KCNK2: variants seen among roughly 807,000 people sequenced by gnomAD.
The protein encoded by KCNK2 is potassium channel subfamily K member 2.
In KCNK2, 21 loss-of-function variants were observed where a neutral mutation model predicts 40.5. That is an observed-to-expected ratio of 0.52 (90% confidence interval 0.37 to 0.75). The LOEUF is 0.75. KCNK2 is among the 30% of genes least tolerant of loss of function. The pLI, the probability that KCNK2 is intolerant of heterozygous loss-of-function variation, is 0.00. For synonymous variants in KCNK2, 191 were observed against 202.2 expected (o/e 0.94, Z 0.47); for missense variants, 399 against 531.6 (o/e 0.75, Z 2.45).
At chr1:215,080,231 C>T (rs183486069), upstream of KCNK2, among the ~76,000 whole-genome samples, 433 of 152,252 alleles carry the variant, frequency 2.8e-3, no homozygotes, top group Non-Finnish European at 5.3e-3. Context: ...TATTAATCTC[C>T]CAGTCTAGTA....
chr1:215,051,199 C>A (rs763748080), intron 1 of KCNK2, among the ~76,000 whole-genome samples: 15 of 152,126 alleles, frequency 9.9e-5, no homozygotes, highest in Non-Finnish European at 1.9e-4. Flanking sequence ...CTTCAGCCTC[C>A]TGAGTAGCTG....
At chr1:215,030,248 G>A (rs112844387) in intron 1 of KCNK2, among the ~76,000 whole-genome samples, 3,200 of 152,204 alleles carry the variant, frequency 0.021, 114 homozygotes, top group African/African-American at 0.073. Flanking sequence ...TTTTAATTGG[G>A]TTGTTTGTTT....
intron 2 of KCNK2, among the ~76,000 whole-genome samples, chr1:215,093,875 A>G (rs1343922014): frequency 1.9e-4 from 19 of 101,110 alleles, no homozygotes; most frequent in Admixed American, 1.2e-3. Context: ...AATATATTAT[A>G]TATTATATAT....
upstream of KCNK2, among the ~76,000 whole-genome samples, chr1:215,079,900 CAT>C (rs1468351068): frequency 1.3e-5 from 2 of 152,136 alleles, no homozygotes; most frequent in Non-Finnish European, 2.9e-5. Flanking sequence ...TGAGGCTGAG[CAT>C]TTGGCTTGTT....
intron 3 of KCNK2, among the ~76,000 whole-genome samples, chr1:215,164,691 C>T (rs917171752): frequency 2.0e-5 from 3 of 152,108 alleles, no homozygotes; most frequent in Non-Finnish European, 4.4e-5. Flanking sequence ...TGAGTAACTT[C>T]TACTCAGATT....
chr1:215,049,234 C>T (rs758797627), intron 1 of KCNK2, among the ~76,000 whole-genome samples: 2 of 152,222 alleles, frequency 1.3e-5, no homozygotes, highest in South Asian at 2.1e-4. Context: ...CTTTAATTTG[C>T]GTTTTCCTAA....
chr1:215,130,730 A>G (rs1267621122), intron 3 of KCNK2, among the ~76,000 whole-genome samples: 3 of 152,242 alleles, frequency 2.0e-5, no homozygotes, highest in Non-Finnish European at 4.4e-5. Flanking sequence ...CTAAGGAGGT[A>G]GCAGTGAGGA....
At chr1:215,153,984 C>T (rs1192593687) in intron 3 of KCNK2, among the ~76,000 whole-genome samples, 3 of 152,106 alleles carry the variant, frequency 2.0e-5, no homozygotes, top group Non-Finnish European at 4.4e-5. Flanking sequence ...TTTCTTTATC[C>T]AGTCTATCAT....
chr1:215,171,942 C>A, intron 4 of KCNK2, 55 bp from the exon 5 acceptor site: 1 of 1,031,520 alleles, frequency 9.7e-7, no homozygotes, highest in Non-Finnish European at 1.4e-6. Context: ...CTCTCTCTCT[C>A]CCCCCATTTA....
chr1:215,125,744 ATATATATATATATATATAT>A (rs1425190007), intron 3 of KCNK2, among the ~76,000 whole-genome samples: 14 of 5,304 alleles, frequency 2.6e-3, no homozygotes, highest in Non-Finnish European at 4.7e-3. Context: ...TAATAAATAT[ATATATATATATATATATAT>A]ATATATATAT....
intron 2 of KCNK2, among the ~76,000 whole-genome samples, chr1:215,099,596 G>A (rs983709241): frequency 5.9e-5 from 9 of 151,838 alleles, no homozygotes; most frequent in Admixed American, 2.0e-4. Flanking sequence ...TTGGTGATGC[G>A]GCAGTGAAGG....
chr1:215,007,181 GTGGGTATATATATATATA>G (rs1454656154), intron 1 of KCNK2, among the ~76,000 whole-genome samples: 2 of 64,438 alleles, frequency 3.1e-5, no homozygotes, highest in South Asian at 6.3e-4. Flanking sequence ...ATGTATGTGT[GTGGGTATATATATATATA>G]TATATATATA....
At chr1:215,180,676 GA>G (rs933687439) in intron 5 of KCNK2, among the ~76,000 whole-genome samples, 1 of 151,666 alleles carries the variant, frequency 6.6e-6, no homozygotes, top group Non-Finnish European at 1.5e-5. Flanking sequence ...TAAAAATACT[GA>G]AAAAAAACCC....
Position 215,162,941 on chromosome 1 carries a change from A to T in KCNK2, c.476-6258A>T, listed in dbSNP as rs529452830. Among the ~76,000 whole-genome samples the T allele has an allele frequency of 6.6e-5, 10 of 152,060 alleles. No homozygotes were observed. The South Asian group carries it at 2.1e-3, about 32-fold the overall frequency. ...TTTTTGGTTTCATATGAAATTTAAA[A>T]TAGTTTTTTCTAATTCTGTGAAGAA... On this transcript the variant is annotated intron_variant, in intron 3 of 6. Coordinates refer to ENST00000444842, the MANE Select transcript of KCNK2 (RefSeq NM_001017425.3).
In KCNK2 at chr1:215,183,733, G is replaced by A. The variant is rs145720071; in HGVS notation, c.824-11220G>A. 6.6e-3 allele frequency among the ~76,000 whole-genome samples: 1,007 copies of A among 152,276 alleles called. 7 individuals are homozygous for A. The highest frequency in any genetic ancestry group is 9.7e-3 in the Non-Finnish European group (663 of 68,016). On this transcript the variant is annotated intron_variant, in intron 5 of 6. Coordinates refer to ENST00000444842, the MANE Select transcript of KCNK2 (RefSeq NM_001017425.3). ...TATTAAAAACATGGTAAAAATTAGAGTAGGAATGTGTTATTAAAATTCTCA... is the reference window on the plus strand; with the variant it reads ...TATTAAAAACATGGTAAAAATTAGAATAGGAATGTGTTATTAAAATTCTCA...
intron 3 of KCNK2, among the ~76,000 whole-genome samples, chr1:215,165,968 G>A (rs949598505): frequency 6.6e-6 from 1 of 152,128 alleles, no homozygotes; most frequent in Admixed American, 6.6e-5. Context: ...CTTTCAATCA[G>A]TTAATTTTAG....
chr1:215,044,918 C>T (rs373930907), intron 1 of KCNK2, among the ~76,000 whole-genome samples: 1 of 152,058 alleles, frequency 6.6e-6, no homozygotes, highest in Non-Finnish European at 1.5e-5. Flanking sequence ...CGCCTGTAAT[C>T]CCAGCACTTT....
chr1:215,151,203 A>T (rs1662672209), intron 3 of KCNK2, among the ~76,000 whole-genome samples: 1 of 152,120 alleles, frequency 6.6e-6, no homozygotes, highest in Non-Finnish European at 1.5e-5. Context: ...CCTTTATCAG[A>T]TGTTAACATT....
chr1:215,088,295 A>G (rs1659542720), intron 2 of KCNK2, among the ~76,000 whole-genome samples: 3 of 152,072 alleles, frequency 2.0e-5, no homozygotes, highest in African/African-American at 4.8e-5. Context: ...TGCGTTTTGA[A>G]CTGCAGTTGA....
Sources: gnomAD v4.1 joint callset for allele counts (sites outside exome capture counted in the v4.1 genomes callset) on GRCh38, gnomAD v4.1.1 for gene constraint, MANE v1.5 for transcripts, NCBI Gene and HGNC (gene_info 2026-07-23, HGNC 2026-07-21) for gene names.